KLF8: variants seen among roughly 807,000 people sequenced by gnomAD.
KLF8 encodes Krueppel-like factor 8.
Under a neutral mutation model 18.2 loss-of-function variants are expected in KLF8, and 10 were observed. That is an observed-to-expected ratio of 0.55 (90% CI 0.34 to 0.93). The LOEUF is 0.93. Ranked by LOEUF, KLF8 falls within the 40% of genes least tolerant of loss-of-function variation. The probability of loss-of-function intolerance (pLI) is 0.02; values close to 1 mark genes in which losing one functional copy is unlikely to be tolerated. For missense variants in KLF8, 264 were observed against 277.9 expected (o/e 0.95, Z 0.36); for synonymous variants, 109 against 97.3 (o/e 1.12, Z -0.71).
chrX:56,151,770 T>C, the KLF8 span, among the ~76,000 whole-genome samples: 7 of 110,819 alleles, frequency 6.3e-5, no homozygotes, highest in Admixed American at 2.9e-4. Flanking sequence ...TAAATGTGAA[T>C]ACAGTGTTCA....
intron 5 of KLF8, among the ~76,000 whole-genome samples, chrX:56,272,168 C>A (rs1017798751): frequency 1.8e-5 from 2 of 111,143 alleles, no homozygotes; most frequent in African/African-American, 6.6e-5. Context: ...TCATGACAGC[C>A]AGATGACTGA....
At chrX:56,126,941 C>T in the KLF8 span, among the ~76,000 whole-genome samples, 1 of 108,126 alleles carries the variant, frequency 9.2e-6, no homozygotes, top group Non-Finnish European at 1.9e-5. Flanking sequence ...TCAGTAGAGA[C>T]GGGGTTTCAC....
chrX:56,083,964 C>T, the KLF8 span, among the ~76,000 whole-genome samples: 64 of 111,896 alleles, frequency 5.7e-4, no homozygotes, highest in African/African-American at 2.0e-3. Context: ...GACCACTGAT[C>T]TAGAGTGCAT....
At chrX:56,237,762 A>G (rs745997218) in intron 1 of KLF8, among the ~76,000 whole-genome samples, 2 of 112,067 alleles carry the variant, frequency 1.8e-5, no homozygotes, top group Admixed American at 1.9e-4. Context: ...TGGCTTAAAC[A>G]ACAGAAATGT....
At chrX:56,135,306 T>G in the KLF8 span, among the ~76,000 whole-genome samples, 1,177 of 111,415 alleles carry the variant, frequency 0.011, 10 homozygotes, top group Non-Finnish European at 0.018. Flanking sequence ...CAACCCAAAT[T>G]TCCAACAATC....
the KLF8 span, among the ~76,000 whole-genome samples, chrX:56,047,250 T>A: frequency 9.0e-6 from 1 of 110,535 alleles, no homozygotes; most frequent in African/African-American, 3.3e-5. Flanking sequence ...TTTGTCTTTT[T>A]TGTTTATTTT....
At chrX:56,174,644 T>G in the KLF8 span, among the ~76,000 whole-genome samples, 8 of 112,140 alleles carry the variant, frequency 7.1e-5, no homozygotes, top group East Asian at 2.2e-3. Context: ...TCTTTTTCTA[T>G]TGATTGGAAT....
chrX:56,067,906 TG>T, the KLF8 span, among the ~76,000 whole-genome samples: 1 of 112,514 alleles, frequency 8.9e-6, no homozygotes, highest in African/African-American at 3.2e-5. Flanking sequence ...GCAGTAAGAT[TG>T]CTTTACTTCC....
the KLF8 span, among the ~76,000 whole-genome samples, chrX:55,946,576 G>A: frequency 9.0e-6 from 1 of 111,626 alleles, no homozygotes; most frequent in African/African-American, 3.3e-5. Context: ...ATAGGCATGG[G>A]CAAGGACTTC....
the KLF8 span, among the ~76,000 whole-genome samples, chrX:56,153,999 T>C: frequency 2.0e-4 from 22 of 111,228 alleles, no homozygotes; most frequent in Non-Finnish European, 4.0e-4. Context: ...AAAATGGCCA[T>C]ACTGCCCAAG....
At chrX:56,259,492 G>C (rs563052363) in intron 2 of KLF8, among the ~76,000 whole-genome samples, 45 of 110,296 alleles carry the variant, frequency 4.1e-4, no homozygotes, top group African/African-American at 1.4e-3. Flanking sequence ...CAGTGAGCTA[G>C]TATAGCTCAC....
chrX:56,037,112 G>T, the KLF8 span, among the ~76,000 whole-genome samples: 1 of 111,370 alleles, frequency 9.0e-6, no homozygotes, highest in Non-Finnish European at 1.9e-5. Context: ...TGTACAATTT[G>T]ACACCCTCCT....
chrX:55,916,324 G>A, the KLF8 span, among the ~76,000 whole-genome samples: 1 of 111,603 alleles, frequency 9.0e-6, no homozygotes, highest in African/African-American at 3.3e-5. Flanking sequence ...ACTGCCCGTA[G>A]CCCTGGCCTA....
chrX:56,252,015 A>G (rs775309199), intron 2 of KLF8, among the ~76,000 whole-genome samples: 1 of 110,312 alleles, frequency 9.1e-6, no homozygotes, highest in African/African-American at 3.3e-5. Flanking sequence ...GTTATTTCCA[A>G]CTTTTTTTTG....
the KLF8 span, among the ~76,000 whole-genome samples, chrX:55,974,298 T>C: frequency 9.0e-6 from 1 of 110,910 alleles, no homozygotes; most frequent in Non-Finnish European, 1.9e-5. Flanking sequence ...TTAGCAAACC[T>C]GCACATGTAC....
intron 2 of KLF8, among the ~76,000 whole-genome samples, chrX:56,253,074 T>C (rs938948789): frequency 8.9e-6 from 1 of 112,688 alleles, no homozygotes; most frequent in Non-Finnish European, 1.9e-5. Flanking sequence ...CTTTTTTCTA[T>C]TGAGTTGTTT....
At chrX:56,153,567 T>A in the KLF8 span, among the ~76,000 whole-genome samples, 1 of 110,801 alleles carries the variant, frequency 9.0e-6, no homozygotes, top group South Asian at 3.8e-4. Flanking sequence ...GGCATCCCTG[T>A]CTCGTGCCAG....
the KLF8 span, among the ~76,000 whole-genome samples, chrX:56,030,247 C>T: frequency 9.0e-6 from 1 of 111,248 alleles, no homozygotes; most frequent in African/African-American, 3.3e-5. Context: ...ATATCTGGTC[C>T]TTCATTCAGA....
At chrX:56,056,891 C>T in the KLF8 span, among the ~76,000 whole-genome samples, 3 of 101,231 alleles carry the variant, frequency 3.0e-5, no homozygotes, top group Non-Finnish European at 4.0e-5. Context: ...TGCTCTCCAA[C>T]AGCTGGTCAC....
Sources: gnomAD v4.1 joint callset for allele counts (sites outside exome capture counted in the v4.1 genomes callset) on GRCh38, gnomAD v4.1.1 for gene constraint, MANE v1.5 for transcripts, NCBI Gene and HGNC (gene_info 2026-07-23, HGNC 2026-07-21) for gene names.